L3MBTL4: variants seen among roughly 807,000 people sequenced by gnomAD.
L3MBTL4 encodes lethal(3)malignant brain tumor-like protein 4.
A neutral mutation model predicts 84.5 loss-of-function variants in L3MBTL4; 70 were observed. The ratio of observed to expected loss-of-function variants is 0.83; its 90% CI spans 0.68 to 1.01. The LOEUF (loss-of-function observed/expected upper bound fraction) is 1.01, where lower values mean the gene tolerates loss of function less well. Among genes scored for constraint, L3MBTL4 ranks in the 50% least tolerant of loss-of-function variants. The pLI, the probability that L3MBTL4 is intolerant of heterozygous loss-of-function variation, is 0.00. For synonymous variants in L3MBTL4, 274 were observed against 259.8 expected, an observed-to-expected ratio of 1.05 and a Z score of -0.52; for missense variants, 715 against 754.8, an observed-to-expected ratio of 0.95 and a Z score of 0.62.
In L3MBTL4 at chr18:6,118,639, G is replaced by A. The variant is rs149147652; in HGVS notation, c.1199+19555C>T. Among the ~76,000 whole-genome samples the A allele has an allele frequency of 3.7e-3, 559 of 152,274 alleles. 2 individuals are homozygous for A. The highest frequency in any genetic ancestry group is 0.013 in the African/African-American group (532 of 41,558). ...GAAGACTTAAGTAATTATTTTTATT[G>A]AAGATATTAATGCAAACTCTTTTAC... is the stretch of plus-strand genomic sequence containing the variant. On this transcript the variant is annotated intron_variant, in intron 14 of 18. Transcript: ENST00000317931.
intron 1 of L3MBTL4, chr18:6,397,654 T>A (rs2055331487): frequency 6.6e-6 from 1 of 151,966 alleles, no homozygotes; most frequent in Non-Finnish European, 1.5e-5. Flanking sequence ...TTTGAGACCA[T>A]CCTGAGCAAC....
In L3MBTL4 at chr18:6,122,455, C is replaced by G. The variant is rs1217075657; in HGVS notation, c.1199+15739G>C. The stretch of plus-strand genomic sequence containing the variant: ...GGGAGCAGGTCTTTGCCATGATGTT[C>G]TCATGAGAGTGAATAAGTCTCACAA... On this transcript the variant is annotated intron_variant, in intron 14 of 18. Coordinates refer to ENST00000317931, the MANE Select transcript of L3MBTL4 (RefSeq NM_001330559.2). Among the ~76,000 whole-genome samples the G allele has an allele frequency of 2.6e-5, 4 of 152,194 alleles. No individual in the cohort carries two copies. The East Asian group carries it at 7.7e-4, about 29-fold the overall frequency.
chr18:5,969,361 C>T, intron 17 of L3MBTL4, 32 bp downstream of exon 17: 12 of 1,612,448 alleles, frequency 7.4e-6, no homozygotes, highest in Non-Finnish European at 1.0e-5. Context: ...GCAGGCACAC[C>T]CCAGCCCTGG....
chr18:6,072,525 T>A (rs1336473019), intron 16 of L3MBTL4, among the ~76,000 whole-genome samples: 1 of 151,826 alleles, frequency 6.6e-6, no homozygotes, highest in Non-Finnish European at 1.5e-5. Context: ...AACGCTAATA[T>A]AGTTTTAGGT....
At position 6,311,715 on chromosome 18, in the gene L3MBTL4, A is replaced by C; in HGVS notation, c.-31-59T>G. On this transcript the variant is annotated intron_variant, in intron 2 of 18. Coordinates refer to ENST00000317931, the MANE Select transcript of L3MBTL4 (RefSeq NM_001330559.2). ...GGGGGTGTGACCCCTTCAGAATTAC[A>C]GAAGCAAACAAGAAAATGCTTTCAA... The C allele has an allele frequency of 7.6e-6, 7 of 926,826 alleles. 1 individual carries two copies. The South Asian group carries it at 9.6e-5, about 13-fold the overall frequency. The allele number at this position is 926,826 out of a possible 1,614,324, so 57.4% of individuals were successfully genotyped here.
intron 13 of L3MBTL4, among the ~76,000 whole-genome samples, chr18:6,170,680 G>A (rs16949549): frequency 0.011 from 1,685 of 152,180 alleles, 46 homozygotes; most frequent in African/African-American, 0.039. Context: ...CTACCCCAGC[G>A]GAAATCGTTC....
intron 10 of L3MBTL4, among the ~76,000 whole-genome samples, chr18:6,232,161 A>C (rs2047025082): frequency 6.6e-6 from 1 of 151,846 alleles, no homozygotes; most frequent in South Asian, 2.1e-4. Context: ...TTTTCTCTAC[A>C]TTTTGTTGCC....
chr18:6,035,665 G>C (rs971212027), intron 16 of L3MBTL4, among the ~76,000 whole-genome samples: 6 of 152,164 alleles, frequency 3.9e-5, no homozygotes, highest in African/African-American at 1.4e-4. Flanking sequence ...CTTTAAAGTA[G>C]TTTTTTCCAA....
At chr18:6,150,988 G>C (rs1023986020) in intron 13 of L3MBTL4, among the ~76,000 whole-genome samples, 2 of 152,174 alleles carry the variant, frequency 1.3e-5, no homozygotes, top group Non-Finnish European at 2.9e-5. Context: ...TCCCAGTACA[G>C]ACTACAGCAG....
intron 16 of L3MBTL4, among the ~76,000 whole-genome samples, chr18:6,002,798 A>G (rs1259386404): frequency 1.3e-5 from 2 of 151,958 alleles, no homozygotes; most frequent in Non-Finnish European, 2.9e-5. Flanking sequence ...CCTATATGGT[A>G]TATAGAAAAC....
intron 10 of L3MBTL4, among the ~76,000 whole-genome samples, chr18:6,222,678 T>A (rs1373227649): frequency 6.6e-6 from 1 of 152,130 alleles, no homozygotes; most frequent in Non-Finnish European, 1.5e-5. Flanking sequence ...GACCTAGCAA[T>A]CCTCACGTTA....
chr18:6,102,205 C>T (rs543094636), intron 14 of L3MBTL4, among the ~76,000 whole-genome samples: 23 of 152,284 alleles, frequency 1.5e-4, no homozygotes, highest in South Asian at 4.1e-4. Flanking sequence ...ACATCAGTGT[C>T]TAAAGAAATA....
At chr18:5,978,277 C>A (rs1176862771) in intron 16 of L3MBTL4, among the ~76,000 whole-genome samples, 3 of 152,148 alleles carry the variant, frequency 2.0e-5, no homozygotes, top group Admixed American at 1.3e-4. Flanking sequence ...GTCCTGGGGT[C>A]ATCTTCACAA....
intron 16 of L3MBTL4, among the ~76,000 whole-genome samples, chr18:5,996,502 A>G (rs1030697621): frequency 1.3e-5 from 2 of 152,192 alleles, no homozygotes; most frequent in Non-Finnish European, 2.9e-5. Flanking sequence ...GATCTGGGCC[A>G]GACGCCGGGA....
chr18:6,160,671 C>A (rs1281326695), intron 13 of L3MBTL4, among the ~76,000 whole-genome samples: 1 of 144,680 alleles, frequency 6.9e-6, no homozygotes, highest in Non-Finnish European at 1.5e-5. Flanking sequence ...GCGGAGGTTG[C>A]AGTGAGCTGA....
At chr18:6,077,858 G>A (rs530426034) in intron 16 of L3MBTL4, among the ~76,000 whole-genome samples, 1 of 151,264 alleles carries the variant, frequency 6.6e-6, no homozygotes, top group Non-Finnish European at 1.5e-5. Flanking sequence ...GTGAAACCCC[G>A]TCTCTACTAA....
intron 16 of L3MBTL4, chr18:6,030,432 T>C (rs1425900566): frequency 1.0e-6 from 1 of 984,444 alleles, no homozygotes; most frequent in Non-Finnish European, 1.2e-6. Flanking sequence ...TCTGACTTTA[T>C]CATCAGGTAT....
chr18:6,278,257 T>C (rs1024685919), intron 4 of L3MBTL4, among the ~76,000 whole-genome samples: 1 of 152,184 alleles, frequency 6.6e-6, no homozygotes, highest in African/African-American at 2.4e-5. Context: ...TATTCAATCC[T>C]ATTTTACATA....
chr18:6,340,040 A>T (rs1158278584), intron 1 of L3MBTL4, among the ~76,000 whole-genome samples: 1 of 152,214 alleles, frequency 6.6e-6, no homozygotes, highest in Non-Finnish European at 1.5e-5. Context: ...AGAACAGAAA[A>T]GGATTAACCT....
Sources: gnomAD v4.1 joint callset for allele counts (sites outside exome capture counted in the v4.1 genomes callset) on GRCh38, gnomAD v4.1.1 for gene constraint, MANE v1.5 for transcripts, NCBI Gene and HGNC (gene_info 2026-07-23, HGNC 2026-07-21) for gene names.